Variants in THUMPD2 observed in about 807,000 individuals in gnomAD.
THUMPD2 encodes THUMP domain 2 tRNA and snRNA guanosine methyltransferase.
In THUMPD2, 56 loss-of-function variants were observed where a neutral mutation model predicts 49.4. That is an observed-to-expected ratio of 1.13 (90% confidence interval 0.91 to 1.41). The LOEUF (loss-of-function observed/expected upper bound fraction) is 1.41. Among genes scored for constraint, THUMPD2 ranks in the 40% most tolerant of loss-of-function variants. THUMPD2 has a pLI of 0.00. For missense variants in THUMPD2, 709 were observed against 594.5 expected (o/e 1.19, Z -2.00); for synonymous variants, 237 against 205.2 (o/e 1.15, Z -1.32).
chr2:39,769,889 T>A lies in THUMPD2; in HGVS notation c.493A>T (p.Lys165Ter). The A allele has an allele frequency of 6.3e-7, 1 of 1,599,892 alleles. No individual in the cohort carries two copies. Among genetic ancestry groups the A allele is most frequent in the Non-Finnish European group, 8.5e-7 (1 of 1,176,454 alleles). Residue 165 changes from lysine (K) to a stop codon, truncating the protein, a stop_gained, in exon 3 of 10, where the codon AAA becomes TAA. Transcript: ENST00000505747. LOFTEE classifies it high-confidence loss of function. ...TCCAGAGTTTCTTCTTTTATTTGTTTTTCCAGCTGGCAGTCCCTATTCTCT... is the reference window on the plus strand; with the variant it reads ...TCCAGAGTTTCTTCTTTTATTTGTTATTCCAGCTGGCAGTCCCTATTCTCT... ...IEENRDCQLE[K>*]QIKEETLEQR... is the part of the protein sequence containing the mutation.
At position 39,763,200 on chromosome 2, in the gene THUMPD2, A is replaced by C. The variant is rs191027365; in HGVS notation, c.804-1782T>G. Among the ~76,000 whole-genome samples the C allele has an allele frequency of 4.7e-3, 707 of 151,792 alleles. 5 individuals are homozygous for C. Among genetic ancestry groups the C allele is most frequent in the Middle Eastern group, 0.014 (4 of 294 alleles). ...TTTTTTCTCTTGTACACCTTGTACC[A>C]CCAAGACAAAGACGTCCTAATCTAT... On this transcript the variant is annotated intron_variant, in intron 5 of 9. Transcript: ENST00000505747.
intron 6 of THUMPD2, among the ~76,000 whole-genome samples, chr2:39,759,166 A>T (rs944801903): frequency 6.6e-5 from 10 of 152,086 alleles, no homozygotes; most frequent in African/African-American, 2.4e-4. Context: ...GAATTTCAGA[A>T]GTAGGAAAAA....
At chr2:39,770,262 A>G (rs138935250) in intron 2 of THUMPD2, 143 bp from the exon 3 acceptor site, 12 of 576,994 alleles carry the variant, frequency 2.1e-5, no homozygotes, top group Admixed American at 4.0e-5. Flanking sequence ...TTTCATTTGG[A>G]GTTCATATTC....
At chr2:39,755,762 A>AT (rs10652050) in intron 7 of THUMPD2, 127 bp downstream of exon 7, 18 of 758,758 alleles carry the variant, frequency 2.4e-5, no homozygotes, top group African/African-American at 8.9e-5. Flanking sequence ...TATTTTGAGT[A>AT]AATAATAACT....
At chr2:39,756,052 A>G in intron 6 of THUMPD2, 92 bp from the exon 7 acceptor site, 1 of 1,191,888 alleles carries the variant, frequency 8.4e-7, no homozygotes, top group Non-Finnish European at 1.2e-6. Flanking sequence ...ATATTTCAAG[A>G]GGAAAGATTA....
chr2:39,779,049 G>A (rs1054909192), intron 1 of THUMPD2, 65 bp downstream of exon 1: 35 of 1,388,256 alleles, frequency 2.5e-5, no homozygotes, highest in Non-Finnish European at 3.2e-5. Context: ...GTCCACGACT[G>A]GGGTGGGCAA....
chr2:39,738,296 C>T (rs1252459093), intron 9 of THUMPD2, among the ~76,000 whole-genome samples: 3 of 152,162 alleles, frequency 2.0e-5, no homozygotes, highest in Non-Finnish European at 2.9e-5. Flanking sequence ...GGCATGGTGG[C>T]TCACACCTGT....
intron 8 of THUMPD2, among the ~76,000 whole-genome samples, chr2:39,747,091 T>G (rs111834251): frequency 2.0e-5 from 3 of 152,336 alleles, no homozygotes; most frequent in African/African-American, 7.2e-5. Context: ...TGAAATGTTG[T>G]CGGAACTTTT....
At chr2:39,744,903 T>G (rs1674365520) in intron 8 of THUMPD2, among the ~76,000 whole-genome samples, 1 of 152,126 alleles carries the variant, frequency 6.6e-6, no homozygotes, top group South Asian at 2.1e-4. Flanking sequence ...TCCATAGCTA[T>G]CATTGTATTT....
At chr2:39,737,415 G>GAGTT (rs958056563) in intron 9 of THUMPD2, among the ~76,000 whole-genome samples, 6 of 152,214 alleles carry the variant, frequency 3.9e-5, no homozygotes, top group Non-Finnish European at 8.8e-5. Flanking sequence ...TAACAGGAAA[G>GAGTT]AGTTAGGACA....
At chr2:39,745,488 T>C (rs1217061199) in intron 8 of THUMPD2, among the ~76,000 whole-genome samples, 1 of 152,236 alleles carries the variant, frequency 6.6e-6, no homozygotes, top group Non-Finnish European at 1.5e-5. Context: ...TTTAGGGTGT[T>C]GATATAGTAC....
At chr2:39,778,338 C>G (rs150631339) in intron 1 of THUMPD2, among the ~76,000 whole-genome samples, 1 of 152,226 alleles carries the variant, frequency 6.6e-6, no homozygotes. Context: ...TGACATAATT[C>G]TTCACGACTC....
chr2:39,773,484 A>G (rs1678610116), intron 1 of THUMPD2, among the ~76,000 whole-genome samples: 1 of 149,058 alleles, frequency 6.7e-6, no homozygotes, highest in Non-Finnish European at 1.5e-5. Flanking sequence ...TTATTCAAAC[A>G]TCAAGGGAAG....
At position 39,741,689 on chromosome 2, in the gene THUMPD2, C is replaced by A. The variant is rs139209674; in HGVS notation, c.1187+2681G>T. ...TCATGCCACCAGAGTAATCATTTAT[C>A]TGACAATCTTTAATTCTGATTGCAT... On this transcript the variant is annotated intron_variant, in intron 9 of 9. Coordinates refer to ENST00000505747, the MANE Select transcript of THUMPD2 (RefSeq NM_025264.5). Among the ~76,000 whole-genome samples, 14 of 152,286 alleles carry A rather than the reference C, an allele frequency of 9.2e-5. No individual in the cohort carries two copies. The East Asian group carries it at 2.1e-3, about 23-fold the overall frequency.
At chr2:39,773,531 T>C (rs371059266) in intron 1 of THUMPD2, among the ~76,000 whole-genome samples, 29 of 144,296 alleles carry the variant, frequency 2.0e-4, no homozygotes, top group East Asian at 9.9e-4. Context: ...CACACACACA[T>C]ATATAAAATA....
chr2:39,770,332 C>G (rs558673423), intron 2 of THUMPD2, among the ~76,000 whole-genome samples: 27 of 152,100 alleles, frequency 1.8e-4, no homozygotes, highest in Admixed American at 3.3e-4. Context: ...TATATAGCAT[C>G]CGTATTGTGT....
intron 8 of THUMPD2, among the ~76,000 whole-genome samples, chr2:39,754,456 C>T (rs1273970646): frequency 6.6e-6 from 1 of 152,142 alleles, no homozygotes; most frequent in Non-Finnish European, 1.5e-5. Context: ...TACTACTTTT[C>T]CACTACAATA....
chr2:39,779,183 G>C lies in THUMPD2; in HGVS notation c.57C>G (p.Phe19Leu). 1.3e-6 allele frequency: 2 copies of C among 1,519,430 alleles called. No homozygotes were observed. Among genetic ancestry groups the C allele is most frequent in the South Asian group, 1.2e-5 (1 of 81,670 alleles). 94.1% of individuals were successfully genotyped at this position (1,519,430 alleles called of 1,614,324 possible). ...GSGPEAGARF[F>L]CTAGRGLEPF... ...GCTCCAGGCCGCGACCCGCAGTGCA[G>C]AAGAATCGGGCGCCAGCCTCAGGCC... Residue 19 changes from phenylalanine to leucine, a missense_variant, in exon 1 of 10, where the codon TTC (phenylalanine) becomes TTG (leucine). Phe to Leu is a conservative substitution (Grantham distance 22, BLOSUM62 0). Coordinates refer to ENST00000505747, the MANE Select transcript of THUMPD2 (RefSeq NM_025264.5).
At chr2:39,775,153 G>A (rs1224286239) in intron 1 of THUMPD2, among the ~76,000 whole-genome samples, 1 of 152,128 alleles carries the variant, frequency 6.6e-6, no homozygotes, top group Non-Finnish European at 1.5e-5. Context: ...GCATATGCCT[G>A]TAGTCCAAGA....
Sources: gnomAD v4.1 joint callset for allele counts (sites outside exome capture counted in the v4.1 genomes callset) on GRCh38, gnomAD v4.1.1 for gene constraint, MANE v1.5 for transcripts, NCBI Gene and HGNC (gene_info 2026-07-23, HGNC 2026-07-21) for gene names.